CPQ: variants seen among roughly 807,000 people sequenced by gnomAD.
CPQ encodes the protein carboxypeptidase Q.
In CPQ, 37 loss-of-function variants were observed where a neutral mutation model predicts 45.7. The ratio of observed to expected loss-of-function variants is 0.81; its 90% CI spans 0.62 to 1.07. The LOEUF (loss-of-function observed/expected upper bound fraction) is 1.07. Ranked by LOEUF, CPQ falls within the 50% of genes least tolerant of loss-of-function variation. The probability of loss-of-function intolerance (pLI) is 0.00; values close to 1 mark genes in which losing one functional copy is unlikely to be tolerated. For missense variants in CPQ, 537 were observed against 572.9 expected (o/e 0.94, Z 0.64); for synonymous variants, 186 against 205.8 (o/e 0.90, Z 0.82).
intron 5 of CPQ, among the ~76,000 whole-genome samples, chr8:96,988,126 A>G (rs1809023412): frequency 6.6e-6 from 1 of 152,130 alleles, no homozygotes; most frequent in African/African-American, 2.4e-5. Context: ...GTTGTGGGGT[A>G]GTTTTCTTAT....
chr8:97,050,821 G>A (rs1444677828), intron 6 of CPQ, among the ~76,000 whole-genome samples: 1 of 152,046 alleles, frequency 6.6e-6, no homozygotes, highest in African/African-American at 2.4e-5. Context: ...AAAGTTTCCT[G>A]GCCTACATAG....
At chr8:96,800,220 A>C (rs1023834316) in intron 2 of CPQ, among the ~76,000 whole-genome samples, 2 of 152,218 alleles carry the variant, frequency 1.3e-5, no homozygotes, top group South Asian at 4.1e-4. Flanking sequence ...AACTTAAAGA[A>C]GAGGAAGCCT....
chr8:96,975,517 C>T (rs149602276), intron 5 of CPQ, among the ~76,000 whole-genome samples: 3 of 149,504 alleles, frequency 2.0e-5, no homozygotes, highest in Admixed American at 1.3e-4. Context: ...CAAGGGAGGA[C>T]ATAACAAAAA....
At chr8:96,902,381 G>T (rs1310285763) in intron 4 of CPQ, among the ~76,000 whole-genome samples, 2 of 152,144 alleles carry the variant, frequency 1.3e-5, no homozygotes, top group African/African-American at 4.8e-5. Flanking sequence ...GTAGTAAGTG[G>T]CTGAGCCTGA....
chr8:96,772,030 G>A (rs1810549836), intron 1 of CPQ, among the ~76,000 whole-genome samples: 1 of 152,138 alleles, frequency 6.6e-6, no homozygotes, highest in Admixed American at 6.6e-5. Context: ...AGAGGTATAA[G>A]TAGAGGTATG....
chr8:96,960,088 G>C (rs1016899382), intron 4 of CPQ, among the ~76,000 whole-genome samples: 1 of 152,070 alleles, frequency 6.6e-6, no homozygotes, highest in Non-Finnish European at 1.5e-5. Context: ...GGAGTTAAAA[G>C]CTAAGCATGC....
Position 96,688,159 on chromosome 8 carries a change from AT to A in CPQ, c.-35+42761del, listed in dbSNP as rs560454501. ...TAGATAGTCATAACATTTAATCTAC[AT>A]TTTGTATTGTGCCCTTTAGCATTAC... On this transcript the variant is annotated intron_variant, in intron 1 of 7. Coordinates refer to ENST00000220763, the MANE Select transcript of CPQ (RefSeq NM_016134.4). 2.1e-3 allele frequency among the ~76,000 whole-genome samples: 327 copies of A among 152,256 alleles called. 2 individuals are homozygous for A. Among genetic ancestry groups the A allele is most frequent in the South Asian group, 5.2e-3 (25 of 4,834 alleles).
intron 7 of CPQ, among the ~76,000 whole-genome samples, chr8:97,129,310 A>T (rs896788239): frequency 2.0e-5 from 3 of 152,128 alleles, no homozygotes; most frequent in Non-Finnish European, 4.4e-5. Context: ...ATGAGTAAAT[A>T]TGAATTCAGC....
At chr8:96,658,485 G>A (rs1815662343) in intron 1 of CPQ, among the ~76,000 whole-genome samples, 1 of 152,082 alleles carries the variant, frequency 6.6e-6, no homozygotes, top group Admixed American at 6.5e-5. Flanking sequence ...GCAGAATACT[G>A]TCTTCCCTAC....
At chr8:97,139,757 C>A (rs1014099312) in intron 7 of CPQ, among the ~76,000 whole-genome samples, 1 of 151,942 alleles carries the variant, frequency 6.6e-6, no homozygotes, top group East Asian at 1.9e-4. Context: ...AAGATTATAG[C>A]CTTACTGCTT....
chr8:96,964,164 G>A (rs1198168771), intron 4 of CPQ, among the ~76,000 whole-genome samples: 1 of 107,152 alleles, frequency 9.3e-6, no homozygotes, highest in African/African-American at 3.8e-5. Context: ...ATCTTTTTTG[G>A]TTAAAGTATA....
In CPQ at chr8:96,841,900, ATACT is replaced by A. The variant is rs574920008; in HGVS notation, c.641+6723_641+6726del. 6.4e-3 allele frequency among the ~76,000 whole-genome samples: 976 copies of A among 152,314 alleles called. 8 individuals carry two copies. The highest frequency in any genetic ancestry group is 7.4e-3 in the Non-Finnish European group (502 of 68,030). On this transcript the variant is annotated intron_variant, in intron 3 of 7. Coordinates refer to ENST00000220763, the MANE Select transcript of CPQ (RefSeq NM_016134.4). ...AGTACATAAATCAATCTCTATAATG[ATACT>A]TAATTAATACAGAGTTGATAAATGA... is the stretch of plus-strand genomic sequence containing the variant.
At chr8:96,753,465 T>C (rs981656238) in intron 1 of CPQ, among the ~76,000 whole-genome samples, 3 of 152,130 alleles carry the variant, frequency 2.0e-5, no homozygotes, top group Non-Finnish European at 4.4e-5. Flanking sequence ...TTTTATTATG[T>C]AGTCTACCTC....
chr8:96,862,286 G>T (rs1257201447), intron 3 of CPQ, among the ~76,000 whole-genome samples: 1 of 48,372 alleles, frequency 2.1e-5, no homozygotes, highest in Admixed American at 2.5e-4. Flanking sequence ...TTTTGCATTT[G>T]TGTGTGTGTG....
chr8:96,689,038 G>A (rs776125349), intron 1 of CPQ, among the ~76,000 whole-genome samples: 3 of 152,142 alleles, frequency 2.0e-5, no homozygotes, highest in Non-Finnish European at 2.9e-5. Context: ...AGAGAAAAAT[G>A]CTGTTTATCT....
At chr8:96,669,460 G>T (rs1261005884) in intron 1 of CPQ, among the ~76,000 whole-genome samples, 1 of 152,120 alleles carries the variant, frequency 6.6e-6, no homozygotes, top group Non-Finnish European at 1.5e-5. Context: ...ACTCTCCATT[G>T]CCCCTGCAGT....
chr8:96,829,893 G>A (rs1273375253), intron 2 of CPQ, among the ~76,000 whole-genome samples: 4 of 152,052 alleles, frequency 2.6e-5, no homozygotes, highest in African/African-American at 7.2e-5. Context: ...ATTGCCCAGC[G>A]TGAAATTTTG....
chr8:96,676,903 A>G (rs1183443746), intron 1 of CPQ, among the ~76,000 whole-genome samples: 4 of 152,000 alleles, frequency 2.6e-5, no homozygotes, highest in African/African-American at 7.2e-5. Context: ...CTTAGCTCCC[A>G]CTTATAAATG....
chr8:96,710,134 A>G (rs1302687594), intron 1 of CPQ, among the ~76,000 whole-genome samples: 1 of 152,150 alleles, frequency 6.6e-6, no homozygotes, highest in East Asian at 1.9e-4. Context: ...GTATATTTCT[A>G]AGAACTTATC....
Sources: gnomAD v4.1 joint callset for allele counts (sites outside exome capture counted in the v4.1 genomes callset) on GRCh38, gnomAD v4.1.1 for gene constraint, MANE v1.5 for transcripts, NCBI Gene and HGNC (gene_info 2026-07-23, HGNC 2026-07-21) for gene names.